The following METTL22 variants were observed in gnomAD, a reference collection of about 807,000 sequenced individuals.
METTL22 encodes methyltransferase-like protein 22.
Under a neutral mutation model 48.4 loss-of-function variants are expected in METTL22, and 51 were observed. The observed-to-expected ratio is 1.05, with a 90% CI of 0.84 to 1.33. METTL22 has a LOEUF of 1.33. Ranked by LOEUF, METTL22 falls within the 40% of genes most tolerant of loss-of-function variation. METTL22 has a pLI of 0.00. For missense variants in METTL22, 678 were observed against 526.9 expected (o/e 1.29, Z -2.81); for synonymous variants, 255 against 214.1 (o/e 1.19, Z -1.67).
At chr16:8,645,421 G>A (rs1041299639) in intron 10 of METTL22, among the ~76,000 whole-genome samples, 36 of 152,220 alleles carry the variant, frequency 2.4e-4, no homozygotes, top group African/African-American at 6.7e-4. Context: ...TAAGAGTAGC[G>A]TCACATGACC....
Position 8,642,204 on chromosome 16 carries a change from G to A in METTL22, c.904G>A (p.Glu302Lys), listed in dbSNP as rs752069924. The A allele has an allele frequency of 3.5e-5, 56 of 1,612,278 alleles. 1 individual carries two copies. The highest frequency in any genetic ancestry group is 2.5e-4 in the African/African-American group (19 of 74,888). Residue 302 changes from glutamate (E) to lysine (K), a missense_variant, in exon 8 of 11, where the codon GAA (glutamate) becomes AAA (lysine). By Grantham distance (56) the Glu-to-Lys change is moderately conservative. Coordinates refer to ENST00000381920, the MANE Select transcript of METTL22 (RefSeq NM_024109.4). ...TCACACCACCATCCTGTTTGCAGCC[G>A]AAGGTAAGAAAATTTCTCCTTCGCC... ...YDHTTILFAA[E>K]VFYDDDLTDA...
At chr16:8,635,503 T>TCAGCAG (rs1197225899) in intron 5 of METTL22, among the ~76,000 whole-genome samples, 191 bp downstream of exon 5, 2 of 152,172 alleles carry the variant, frequency 1.3e-5, no homozygotes, top group Non-Finnish European at 2.9e-5. Flanking sequence ...CAATACCCAC[T>TCAGCAG]CAGCAGCAGC....
intron 10 of METTL22, among the ~76,000 whole-genome samples, chr16:8,645,374 A>T (rs911386318): frequency 6.6e-6 from 1 of 152,098 alleles, no homozygotes; most frequent in African/African-American, 2.4e-5. Flanking sequence ...TGCGAGGAGG[A>T]TCTTGTATTT....
chr16:8,622,293 G>A (rs776216893), intron 1 of METTL22, among the ~76,000 whole-genome samples: 10 of 152,090 alleles, frequency 6.6e-5, no homozygotes, highest in Non-Finnish European at 1.0e-4. Context: ...GAAAGATGAG[G>A]AGGGAAGTTA....
chr16:8,660,985 G>T, the METTL22 span, among the ~76,000 whole-genome samples: 1 of 152,142 alleles, frequency 6.6e-6, no homozygotes, highest in South Asian at 2.1e-4. Flanking sequence ...CGACCAGTGG[G>T]GAAGACAGGT....
At chr16:8,664,770 G>C in the METTL22 span, among the ~76,000 whole-genome samples, 1 of 152,096 alleles carries the variant, frequency 6.6e-6, no homozygotes, top group Non-Finnish European at 1.5e-5. Context: ...CCACTCTAAA[G>C]CTCTTTCCCA....
intron 2 of METTL22, 116 bp downstream of exon 2, chr16:8,625,914 C>A: frequency 7.5e-7 from 1 of 1,327,714 alleles, no homozygotes; most frequent in Non-Finnish European, 1.0e-6. Flanking sequence ...ATCCTCAGAC[C>A]ACTTTTTAAG....
chr16:8,642,310 T>G, intron 8 of METTL22, 103 bp downstream of exon 8: 1 of 1,265,052 alleles, frequency 7.9e-7, no homozygotes, highest in East Asian at 2.3e-5. Context: ...GAAGTGACTT[T>G]CTGGTACATG....
At chr16:8,660,529 T>C in the METTL22 span, among the ~76,000 whole-genome samples, 1 of 152,054 alleles carries the variant, frequency 6.6e-6, no homozygotes, top group Non-Finnish European at 1.5e-5. Flanking sequence ...GAAGAATCCC[T>C]GTTTTTCGAA....
chr16:8,642,494 G>A lies in METTL22; in HGVS notation c.939G>A (p.Val313=), dbSNP rs772745315. 1.2e-6 allele frequency: 2 copies of A among 1,614,176 alleles called. No individual in the cohort carries two copies. The highest frequency in any genetic ancestry group is 1.6e-4 in the Middle Eastern group (1 of 6,062). The change falls in exon 9 of 11, where the codon GTG becomes GTA. Residue 313 remains valine (V), a synonymous_variant. Transcript: ENST00000381920. ...ACGACGACGACTTGACTGATGCTGT[G>A]TTTAAAACGCTCTCCCGACTCGCCC... is the stretch of plus-strand genomic sequence containing the variant. ...VFYDDDLTDA[V]FKTLSRLAHR...
In METTL22 at chr16:8,647,047, C is replaced by T. The variant is rs1419166610; in HGVS notation, c.*904C>T. ...TTTCCCCTGCCTTGCTGCTGCCGCA[C>T]ACTTTGCACCAGGGCCTTTCATGGC... On this transcript the variant is annotated 3_prime_UTR_variant, in exon 11 of 11. Transcript: ENST00000381920. 7 of 275,688 alleles carry T rather than the reference C, an allele frequency of 2.5e-5. No individual in the cohort carries two copies. The highest frequency in any genetic ancestry group is 4.3e-5 in the Non-Finnish European group (6 of 139,950). The allele number at this position is 275,688 out of a possible 1,614,324, so 17.1% of individuals were successfully genotyped here. A position where few individuals can be genotyped will look rare whatever the true frequency, so the allele number is the denominator to read the frequency against.
At chr16:8,639,365 C>A in intron 6 of METTL22, 1 of 600,718 alleles carries the variant, frequency 1.7e-6, no homozygotes, top group Non-Finnish European at 3.0e-6. Flanking sequence ...ATTCCCAGAT[C>A]CACTGCGTCA....
chr16:8,624,685 G>C (rs1037903397), intron 1 of METTL22, among the ~76,000 whole-genome samples: 1 of 151,770 alleles, frequency 6.6e-6, no homozygotes, highest in African/African-American at 2.4e-5. Context: ...GGGAAACATA[G>C]TGAGACCCTT....
intron 3 of METTL22, among the ~76,000 whole-genome samples, chr16:8,630,871 A>C (rs941348293): frequency 2.0e-5 from 3 of 152,150 alleles, no homozygotes; most frequent in Non-Finnish European, 4.4e-5. Context: ...GTAATTCGTG[A>C]TTATTTCAAA....
At position 8,642,133 on chromosome 16, in the gene METTL22, A is replaced by G. The variant is rs201842966; in HGVS notation, c.833A>G (p.Lys278Arg). 7.9e-5 allele frequency: 128 copies of G among 1,612,698 alleles called. 1 individual carries two copies. In the African/African-American group the frequency reaches 1.4e-3, roughly 18 times the overall value. Residue 278 changes from lysine to arginine, a missense_variant, in exon 8 of 11, where the codon AAG becomes AGG. Coordinates refer to ENST00000381920, the MANE Select transcript of METTL22 (RefSeq NM_024109.4). ...TGCTTTTGTTCTTTCTTAGATCCCA[A>G]GGTCCCCTTCAGTTGGTCACAAGAG... ...WLKDDLCTDP[K>R]VPFSWSQEEI...
intron 9 of METTL22, 112 bp from the exon 10 acceptor site, chr16:8,644,444 GC>G (rs1255702305): frequency 2.8e-6 from 3 of 1,088,316 alleles, no homozygotes; most frequent in Non-Finnish European, 3.9e-6. Flanking sequence ...CTCAGTAAAA[GC>G]CCGTCCAGGG....
At chr16:8,651,935 C>T (rs528388925), downstream of METTL22, among the ~76,000 whole-genome samples, 11 of 152,230 alleles carry the variant, frequency 7.2e-5, no homozygotes, top group South Asian at 4.1e-4. Context: ...ACCTAGATGA[C>T]GGGTTGATAG....
At chr16:8,636,046 C>G (rs1443261022) in intron 5 of METTL22, among the ~76,000 whole-genome samples, 1 of 152,124 alleles carries the variant, frequency 6.6e-6, no homozygotes. Flanking sequence ...TCCGTCTGGG[C>G]TTTTAGTGGA....
the METTL22 span, among the ~76,000 whole-genome samples, chr16:8,664,163 C>G: frequency 1.3e-5 from 2 of 151,676 alleles, no homozygotes; most frequent in East Asian, 1.9e-4. Context: ...TGTCGGCTCA[C>G]TGCATCCTCC....
Sources: gnomAD v4.1 joint callset for allele counts (sites outside exome capture counted in the v4.1 genomes callset) on GRCh38, gnomAD v4.1.1 for gene constraint, MANE v1.5 for transcripts, NCBI Gene and HGNC (gene_info 2026-07-23, HGNC 2026-07-21) for gene names.